The following GRM8 variants were observed in gnomAD, a reference collection of about 807,000 sequenced individuals.
GRM8 encodes glutamate metabotropic receptor 8.
A neutral mutation model predicts 87.2 loss-of-function variants in GRM8; 47 were observed. The observed-to-expected ratio is 0.54, with a 90% CI of 0.43 to 0.69. GRM8 has a LOEUF of 0.69. GRM8 is among the 30% of genes least tolerant of loss of function. The probability of loss-of-function intolerance (pLI) is 0.00; values close to 1 mark genes in which losing one functional copy is unlikely to be tolerated. For synonymous variants in GRM8, 396 were observed against 404.5 expected (o/e 0.98, Z 0.25); for missense variants, 1,019 against 1,139.2 (o/e 0.89, Z 1.52).
At chr7:126,748,258 C>T (rs1327928635) in intron 7 of GRM8, among the ~76,000 whole-genome samples, 2 of 151,866 alleles carry the variant, frequency 1.3e-5, no homozygotes, top group South Asian at 2.1e-4. Context: ...AGTTGAAAGG[C>T]CTAAGGTGTC....
chr7:127,175,062 G>T (rs370079100), intron 2 of GRM8, among the ~76,000 whole-genome samples: 2 of 152,086 alleles, frequency 1.3e-5, no homozygotes, highest in African/African-American at 4.8e-5. Flanking sequence ...ACATGCACTA[G>T]AAAGTTTTCC....
chr7:126,973,062 T>C (rs1267595475), intron 3 of GRM8, among the ~76,000 whole-genome samples: 1 of 152,198 alleles, frequency 6.6e-6, no homozygotes, highest in Non-Finnish European at 1.5e-5. Flanking sequence ...ATGTCTTGTA[T>C]TCCTATTGCA....
chr7:126,707,496 T>C (rs1432716113), intron 7 of GRM8, among the ~76,000 whole-genome samples: 3 of 152,144 alleles, frequency 2.0e-5, no homozygotes, highest in Non-Finnish European at 4.4e-5. Context: ...AACTAGACTT[T>C]CTTTTCTTCA....
chr7:126,583,331 G>C (rs186581727), intron 8 of GRM8, among the ~76,000 whole-genome samples: 1 of 151,674 alleles, frequency 6.6e-6, no homozygotes, highest in Non-Finnish European at 1.5e-5. Context: ...CTCCCAGCCC[G>C]GGTGACAGGA....
chr7:127,190,877 A>G (rs1249753480), intron 2 of GRM8, among the ~76,000 whole-genome samples: 2 of 152,106 alleles, frequency 1.3e-5, no homozygotes, highest in Non-Finnish European at 2.9e-5. Context: ...GCTGTGAATG[A>G]ATTGATTTCT....
intron 6 of GRM8, among the ~76,000 whole-genome samples, chr7:126,808,840 C>T (rs1388122546): frequency 6.6e-6 from 1 of 152,136 alleles, no homozygotes; most frequent in Non-Finnish European, 1.5e-5. Flanking sequence ...TATGTCTTTG[C>T]CTCCTCCATT....
chr7:126,725,067 T>G (rs1812810688), intron 7 of GRM8, among the ~76,000 whole-genome samples: 1 of 152,198 alleles, frequency 6.6e-6, no homozygotes. Flanking sequence ...CTGAAGATGT[T>G]TCTGAAAGCA....
intron 7 of GRM8, among the ~76,000 whole-genome samples, chr7:126,616,570 A>G (rs1465356831): frequency 1.3e-5 from 2 of 152,228 alleles, no homozygotes; most frequent in Non-Finnish European, 2.9e-5. Context: ...ACTCTTCAAA[A>G]AATCAATGAA....
intron 3 of GRM8, among the ~76,000 whole-genome samples, chr7:126,994,186 C>A (rs1421213090): frequency 6.6e-6 from 1 of 152,092 alleles, no homozygotes; most frequent in African/African-American, 2.4e-5. Context: ...AGTAGTGAGG[C>A]CTGCATCCTA....
At chr7:126,570,529 CT>C (rs1794607158) in intron 8 of GRM8, among the ~76,000 whole-genome samples, 2 of 152,184 alleles carry the variant, frequency 1.3e-5, no homozygotes, top group Non-Finnish European at 2.9e-5. Context: ...GACAAGAAGT[CT>C]CTAAAGAAGT....
chr7:127,150,879 C>T (rs939426115), intron 2 of GRM8, among the ~76,000 whole-genome samples: 4 of 152,094 alleles, frequency 2.6e-5, no homozygotes, highest in Non-Finnish European at 1.5e-5. Flanking sequence ...ACACCTGTAT[C>T]TGAAGTAGGT....
chr7:126,835,373 G>T (rs1013474323), intron 6 of GRM8, among the ~76,000 whole-genome samples: 1 of 152,084 alleles, frequency 6.6e-6, no homozygotes, highest in African/African-American at 2.4e-5. Flanking sequence ...TAAAGATGAG[G>T]ACCTTCTTGA....
At chr7:126,720,698 A>G (rs937033893) in intron 7 of GRM8, among the ~76,000 whole-genome samples, 5 of 152,236 alleles carry the variant, frequency 3.3e-5, no homozygotes, top group Admixed American at 2.0e-4. Flanking sequence ...GTTTATAAAT[A>G]GACAAAAATA....
intron 8 of GRM8, among the ~76,000 whole-genome samples, chr7:126,606,226 C>A (rs1798328873): frequency 6.6e-6 from 1 of 152,160 alleles, no homozygotes; most frequent in Admixed American, 6.5e-5. Context: ...AACTTTCTCA[C>A]ACAAACTCAA....
intron 3 of GRM8, among the ~76,000 whole-genome samples, chr7:126,912,993 A>G (rs1803478573): frequency 6.6e-6 from 1 of 152,222 alleles, no homozygotes. Flanking sequence ...TGGTTTTTCA[A>G]TAAAGAAGTT....
chr7:126,555,624 A>G (rs1320902208), intron 8 of GRM8, among the ~76,000 whole-genome samples: 1 of 152,168 alleles, frequency 6.6e-6, no homozygotes, highest in African/African-American at 2.4e-5. Context: ...AAGCAAAACA[A>G]TTTATTACGA....
chr7:127,142,946 G>T (rs1178144406), intron 2 of GRM8, among the ~76,000 whole-genome samples: 7 of 152,174 alleles, frequency 4.6e-5, no homozygotes, highest in African/African-American at 1.4e-4. Flanking sequence ...GAAAGCCACT[G>T]TTGAGAGTAA....
chr7:126,908,556 T>C (rs532678976), intron 3 of GRM8, among the ~76,000 whole-genome samples: 60 of 152,336 alleles, frequency 3.9e-4, no homozygotes, highest in African/African-American at 1.4e-3. Flanking sequence ...ACTGACTCTG[T>C]AGCCATAAAA....
At chr7:126,529,603 CTT>C (rs1814479111) in intron 9 of GRM8, among the ~76,000 whole-genome samples, 1 of 151,956 alleles carries the variant, frequency 6.6e-6, no homozygotes, top group Admixed American at 6.6e-5. Flanking sequence ...TTCTTTTCCA[CTT>C]TGAGGGTGTT....
Sources: gnomAD v4.1 joint callset for allele counts (sites outside exome capture counted in the v4.1 genomes callset) on GRCh38, gnomAD v4.1.1 for gene constraint, MANE v1.5 for transcripts, NCBI Gene and HGNC (gene_info 2026-07-23, HGNC 2026-07-21) for gene names.